LYPD8: variants seen among roughly 807,000 people sequenced by gnomAD.
LYPD8 encodes ly6/PLAUR domain-containing protein 8.
Under a neutral mutation model 1.7 loss-of-function variants are expected in LYPD8, and 8 were observed. The ratio of observed to expected loss-of-function variants is 4.58; its 90% CI spans 2.69 to 8.27. The LOEUF (loss-of-function observed/expected upper bound fraction) is 8.27, where lower values mean the gene tolerates loss of function less well. Among genes scored for constraint, LYPD8 ranks in the 30% most tolerant of loss-of-function variants. The pLI is 0.00. For missense variants in LYPD8, 112 were observed against 102.3 expected (o/e 1.09, Z -0.41); for synonymous variants, 50 against 43.6 (o/e 1.15, Z -0.58).
At position 248,739,487 on chromosome 1, in the gene LYPD8, G is replaced by T; in HGVS notation, c.*124C>A. ...CTGTCGGCATTGCCTGGAGACCTGTGACTCCCACTTACTGGGCAGTTAAAC... is the reference window on the plus strand; with the variant it reads ...CTGTCGGCATTGCCTGGAGACCTGTTACTCCCACTTACTGGGCAGTTAAAC... On this transcript the variant is annotated 3_prime_UTR_variant, in exon 7 of 7. Coordinates refer to ENST00000590317, the MANE Select transcript of LYPD8 (RefSeq NM_001085474.2). The surrounding 1 kb of genome is among the most constrained non-coding windows in gnomAD (Gnocchi z 4.3). The T allele has an allele frequency of 7.5e-7, 1 of 1,338,262 alleles. No homozygotes were observed. Among genetic ancestry groups the T allele is most frequent in the Non-Finnish European group, 1.0e-6 (1 of 984,622 alleles). The allele number at this position is 1,338,262 out of a possible 1,614,324, so 82.9% of individuals were successfully genotyped here.
chr1:248,752,838 C>CACACA (rs1662834453), intron 2 of LYPD8, among the ~76,000 whole-genome samples: 3 of 61,472 alleles, frequency 4.9e-5, no homozygotes, highest in African/African-American at 7.9e-5. Flanking sequence ...CACACCACAC[C>CACACA]CCACACACAC....
chr1:248,754,650 C>T (rs1300197379), intron 2 of LYPD8, among the ~76,000 whole-genome samples: 4 of 152,130 alleles, frequency 2.6e-5, no homozygotes, highest in Non-Finnish European at 5.9e-5. Flanking sequence ...ACACACCCTA[C>T]CCTGATACCC....
At chr1:248,750,273 A>T (rs1452796299) in intron 4 of LYPD8, among the ~76,000 whole-genome samples, 3 of 140,658 alleles carry the variant, frequency 2.1e-5, no homozygotes, top group African/African-American at 5.2e-5. Flanking sequence ...TGCGTCTCGA[A>T]TGAAGCTTTG....
chr1:248,752,870 AC>A (rs1662837284), intron 2 of LYPD8, among the ~76,000 whole-genome samples: 3 of 88,518 alleles, frequency 3.4e-5, no homozygotes, highest in African/African-American at 5.4e-5. Context: ...CACACACACC[AC>A]ACACCCCACA....
At position 248,752,034 on chromosome 1, in the gene LYPD8, G is replaced by A. The variant is rs1048449213; in HGVS notation, c.-49-904C>T. The stretch of plus-strand genomic sequence containing the variant: ...CAAAGCAGGAGAGAGCAGGTGTGTG[G>A]CTCTGGCCTGAGCCCTTCTTAATCA... On this transcript the variant is annotated intron_variant, in intron 2 of 6. Transcript: ENST00000590317. 3.9e-5 allele frequency among the ~76,000 whole-genome samples: 6 copies of A among 152,222 alleles called. No homozygotes were observed. In the East Asian group the frequency reaches 1.2e-3, roughly 29 times the overall value.
chr1:248,743,286 G>A (rs886803534), intron 6 of LYPD8, among the ~76,000 whole-genome samples: 1 of 152,074 alleles, frequency 6.6e-6, no homozygotes, highest in African/African-American at 2.4e-5. Context: ...CCAACATGGC[G>A]AAACCCCATC....
Position 248,748,373 on chromosome 1 carries a change from CAGTGAAGG to C in LYPD8, c.245_252del (p.Ala82GlyfsTer6). On this transcript the variant is annotated frameshift_variant, in exon 5 of 7. Transcript: ENST00000590317. LOFTEE classifies it high-confidence loss of function. ...AAGTGTTCTTCAGCAGACACGTGGA[CAGTGAAGG>C]CTGTAATGTGTGTCTCCTCACTGCA... is the stretch of plus-strand genomic sequence containing the variant. 1 of 452,324 alleles carries C rather than the reference CAGTGAAGG, an allele frequency of 2.2e-6. No individual in the cohort carries two copies. Among genetic ancestry groups the C allele is most frequent in the Non-Finnish European group, 3.9e-6 (1 of 259,398 alleles). The allele number at this position is 452,324 out of a possible 1,614,324, so 28.0% of individuals were successfully genotyped here.
At chr1:248,745,316 T>C in intron 5 of LYPD8, 37 bp from the exon 6 acceptor site, 1 of 398,400 alleles carries the variant, frequency 2.5e-6, no homozygotes, top group Non-Finnish European at 4.4e-6. Flanking sequence ...GACAGTGTTA[T>C]CATACAGAAC....
chr1:248,746,597 AGCACCCACCCAGGGCATCCCCCGCACG>A (rs1662730987), intron 5 of LYPD8, among the ~76,000 whole-genome samples: 2 of 150,436 alleles, frequency 1.3e-5, no homozygotes, highest in Admixed American at 6.6e-5. Flanking sequence ...CCGCACGGCC[AGCACCCACCCAGGGCATCCCCCGCACG>A]GCCAGCACCC....
chr1:248,745,192 T>C lies in LYPD8; in HGVS notation c.425A>G (p.Lys142Arg), dbSNP rs965712643. 1 of 398,472 alleles carries C rather than the reference T, an allele frequency of 2.5e-6. No homozygotes were observed. The highest frequency in any genetic ancestry group is 2.1e-5 in the African/African-American group (1 of 48,602). The allele number at this position is 398,472 out of a possible 1,614,324, so 24.7% of individuals were successfully genotyped here. ...NGTSCHGKPWKCYEEEQCVFL... is the reference protein window; with the variant it reads ...NGTSCHGKPWRCYEEEQCVFL... Reference sequence around the variant, plus strand: ...GACACACTGTTCTTCTTCATAGCATTTCCAGGGCTTCCCATGACAGGAAGT... The same window carrying C: ...GACACACTGTTCTTCTTCATAGCATCTCCAGGGCTTCCCATGACAGGAAGT... Residue 142 changes from lysine to arginine, a missense_variant, in exon 6 of 7, where the codon AAA (lysine) becomes AGA (arginine). Coordinates refer to ENST00000590317, the MANE Select transcript of LYPD8 (RefSeq NM_001085474.2).
intron 4 of LYPD8, among the ~76,000 whole-genome samples, chr1:248,750,270 C>T (rs1054319251): frequency 1.0e-4 from 15 of 145,944 alleles, no homozygotes; most frequent in African/African-American, 3.5e-4. Flanking sequence ...ACATGCGTCT[C>T]GAATGAAGCT....
intron 5 of LYPD8, 60 bp from the exon 6 acceptor site, chr1:248,745,339 G>T: frequency 1.0e-5 from 4 of 397,858 alleles, no homozygotes. Context: ...GGGAGGAAGG[G>T]GATAGGCAAG....
chr1:248,740,990 C>T (rs1572151616), intron 6 of LYPD8, among the ~76,000 whole-genome samples: 2 of 152,098 alleles, frequency 1.3e-5, no homozygotes, highest in East Asian at 1.9e-4. Flanking sequence ...GTGGCACATG[C>T]CTGTAGTCCC....
At chr1:248,750,249 C>G (rs1448295777) in intron 4 of LYPD8, among the ~76,000 whole-genome samples, 1 of 152,138 alleles carries the variant, frequency 6.6e-6, no homozygotes, top group African/African-American at 2.4e-5. Flanking sequence ...CCTTGCTTCT[C>G]ACATCCACTG....
chr1:248,752,728 C>A, intron 2 of LYPD8, among the ~76,000 whole-genome samples: 1 of 127,136 alleles, frequency 7.9e-6, no homozygotes, highest in African/African-American at 3.4e-5. Flanking sequence ...ACTGAACACA[C>A]ACACATCACA....
chr1:248,751,284 C>A (rs1196434662), intron 2 of LYPD8, among the ~76,000 whole-genome samples, 154 bp from the exon 3 acceptor site: 1 of 152,186 alleles, frequency 6.6e-6, no homozygotes, highest in South Asian at 2.1e-4. Context: ...GCTGATTCCA[C>A]CCTGCTGCAA....
At chr1:248,745,614 T>G (rs2103169410) in intron 5 of LYPD8, among the ~76,000 whole-genome samples, 1 of 152,316 alleles carries the variant, frequency 6.6e-6, no homozygotes, top group African/African-American at 2.4e-5. Flanking sequence ...AATAAGTGGG[T>G]GAGTGTTACT....
intron 2 of LYPD8, among the ~76,000 whole-genome samples, chr1:248,754,776 C>T (rs1464540819): frequency 6.6e-6 from 1 of 152,114 alleles, no homozygotes; most frequent in Non-Finnish European, 1.5e-5. Flanking sequence ...GAAAATAAAG[C>T]ACATCTGGTC....
At chr1:248,752,522 AACAC>A (rs1443428409) in intron 2 of LYPD8, among the ~76,000 whole-genome samples, 21 of 148,912 alleles carry the variant, frequency 1.4e-4, no homozygotes, top group African/African-American at 5.0e-4. Context: ...CANCCCACAC[AACAC>A]ACACACACCA....
Sources: allele counts gnomAD v4.1 joint callset (sites outside exome capture counted in the v4.1 genomes callset), GRCh38; gene constraint gnomAD v4.1.1; non-coding constraint Gnocchi (gnomAD v3.1); transcripts MANE v1.5; gene names NCBI Gene and HGNC (gene_info 2026-07-23, HGNC 2026-07-21).